The following DGKB variants were observed in gnomAD, a reference collection of about 807,000 sequenced individuals.
DGKB encodes the protein 90 kDa diacylglycerol kinase.
In DGKB, 67 loss-of-function variants were observed where a neutral mutation model predicts 114.3. The ratio of observed to expected loss-of-function variants is 0.59; its 90% CI spans 0.48 to 0.72. The LOEUF (loss-of-function observed/expected upper bound fraction) is 0.72, where lower values mean the gene tolerates loss of function less well. Among genes scored for constraint, DGKB ranks in the 30% least tolerant of loss-of-function variants. The pLI is 0.00. For missense variants in DGKB, 907 were observed against 975.2 expected, an observed-to-expected ratio of 0.93 and a Z score of 0.93; for synonymous variants, 398 against 323.1, an observed-to-expected ratio of 1.23 and a Z score of -2.49.
intron 13 of DGKB, among the ~76,000 whole-genome samples, chr7:14,637,569 C>G (rs1050400059): frequency 2.0e-5 from 3 of 150,868 alleles, no homozygotes; most frequent in Non-Finnish European, 4.4e-5. Flanking sequence ...CATGTATATA[C>G]TTGTGATTAC....
At chr7:14,862,360 G>T (rs940274285) in intron 1 of DGKB, among the ~76,000 whole-genome samples, 4 of 152,020 alleles carry the variant, frequency 2.6e-5, no homozygotes, top group Non-Finnish European at 5.9e-5. Flanking sequence ...ATAATCCAGT[G>T]TTCTTAACTA....
rs567561022 is a variant in DGKB at position 14,924,299 on chromosome 7, CA to C, written c.-188+50396del. Among the ~76,000 whole-genome samples, 318 of 152,226 alleles carry C rather than the reference CA, an allele frequency of 2.1e-3. 1 individual carries two copies. Among genetic ancestry groups the C allele is most frequent in the African/African-American group, 7.4e-3 (308 of 41,542 alleles). On this transcript the variant is annotated intron_variant, in intron 1 of 4. Transcript: ENST00000437998. ...CTAATATTGCTATTGATTCAGCTGTCAGTCAAATTGTGATTTCCTAGAAGGC... is the reference window on the plus strand; with the variant it reads ...CTAATATTGCTATTGATTCAGCTGTCGTCAAATTGTGATTTCCTAGAAGGC...
rs557543157 is a variant in DGKB at position 14,302,424 on chromosome 7, T to C, written c.2122+36091A>G. On this transcript the variant is annotated intron_variant, in intron 23 of 25. Coordinates refer to ENST00000402815, the MANE Select transcript of DGKB (RefSeq NM_001350709.2). ...CTGTATTTATACTAAGAATGTTAAA[T>C]TGTAAGTTAGATCATATTACTCTGT... Among the ~76,000 whole-genome samples, 10 of 152,232 alleles carry C rather than the reference T, an allele frequency of 6.6e-5. No individual in the cohort carries two copies. The East Asian group carries it at 1.9e-3, about 29-fold the overall frequency.
At chr7:14,420,911 CAAGTGACA>C (rs1161554128) in intron 21 of DGKB, among the ~76,000 whole-genome samples, 1 of 152,014 alleles carries the variant, frequency 6.6e-6, no homozygotes, top group African/African-American at 2.4e-5. Context: ...TCTCCATGCC[CAAGTGACA>C]AAGGATCAAA....
At chr7:14,737,508 A>C (rs1564062920) in intron 4 of DGKB, among the ~76,000 whole-genome samples, 1 of 152,028 alleles carries the variant, frequency 6.6e-6, no homozygotes, top group Non-Finnish European at 1.5e-5. Flanking sequence ...CCTAATATTA[A>C]ATGTGACATT....
At chr7:14,412,971 A>G in intron 21 of DGKB, among the ~76,000 whole-genome samples, 1 of 104,700 alleles carries the variant, frequency 9.6e-6, no homozygotes, top group Non-Finnish European at 2.1e-5. Flanking sequence ...ACAGAGCAAG[A>G]CTCCAGCTCA....
rs575378579 is a variant in DGKB, at chr7:14,205,899, T to A, written c.2123-27748A>T. Among the ~76,000 whole-genome samples, 32 of 152,056 alleles carry A rather than the reference T, an allele frequency of 2.1e-4. No homozygotes were observed. In the East Asian group the frequency reaches 6.0e-3, roughly 29 times the overall value. On this transcript the variant is annotated intron_variant, in intron 23 of 25. Coordinates refer to ENST00000402815, the MANE Select transcript of DGKB (RefSeq NM_001350709.2). ...ATACAGGCAGATAGGCCAAATAATA[T>A]GATATATATATGTATGTTATAGAAG...
At chr7:14,829,977 G>A (rs1357369322) in intron 2 of DGKB, among the ~76,000 whole-genome samples, 2 of 152,070 alleles carry the variant, frequency 1.3e-5, no homozygotes, top group East Asian at 1.9e-4. Flanking sequence ...TACCTAGGAA[G>A]AGAGAAGGCT....
intron 5 of DGKB, among the ~76,000 whole-genome samples, chr7:14,735,514 G>C (rs1831579472): frequency 6.6e-6 from 1 of 152,094 alleles, no homozygotes; most frequent in Non-Finnish European, 1.5e-5. Flanking sequence ...TGATACAACA[G>C]GTATTAATGT....
At chr7:14,487,770 C>CA (rs1784046037) in intron 20 of DGKB, among the ~76,000 whole-genome samples, 2 of 141,624 alleles carry the variant, frequency 1.4e-5, no homozygotes, top group Admixed American at 1.4e-4. Context: ...GCCTGACTAA[C>CA]TTTTTTTTTT....
At chr7:14,682,373 T>C (rs918364840) in intron 12 of DGKB, among the ~76,000 whole-genome samples, 180 bp downstream of exon 12, 1 of 152,058 alleles carries the variant, frequency 6.6e-6, no homozygotes, top group African/African-American at 2.4e-5. Context: ...CAGGACTCTA[T>C]GGGGACAAAT....
intron 23 of DGKB, among the ~76,000 whole-genome samples, chr7:14,297,186 T>C (rs1554336027): frequency 6.6e-6 from 1 of 152,096 alleles, no homozygotes; most frequent in Non-Finnish European, 1.5e-5. Flanking sequence ...AAAGAGGGAC[T>C]CCTCCCTAGC....
At chr7:14,348,445 A>T (rs879053787) in intron 21 of DGKB, among the ~76,000 whole-genome samples, 1 of 152,074 alleles carries the variant, frequency 6.6e-6, no homozygotes. Context: ...ATTTAATTAG[A>T]AAGCAAGAAA....
At chr7:14,643,012 C>T (rs1343747484) in intron 13 of DGKB, among the ~76,000 whole-genome samples, 2 of 152,160 alleles carry the variant, frequency 1.3e-5, no homozygotes, top group Non-Finnish European at 2.9e-5. Context: ...AGGAACCTAG[C>T]ACTCATCTCT....
chr7:14,851,434 G>T (rs1849334202), intron 1 of DGKB, among the ~76,000 whole-genome samples: 1 of 152,020 alleles, frequency 6.6e-6, no homozygotes, highest in Non-Finnish European at 1.5e-5. Flanking sequence ...TATTGAGACT[G>T]GCAGGTTAGG....
At chr7:14,801,031 G>A (rs112136506) in intron 2 of DGKB, among the ~76,000 whole-genome samples, 2 of 152,292 alleles carry the variant, frequency 1.3e-5, no homozygotes, top group African/African-American at 2.4e-5. Flanking sequence ...AAAAAGGACT[G>A]TAATGGTCAT....
At chr7:14,154,018 G>A (rs1200204598) in intron 25 of DGKB, among the ~76,000 whole-genome samples, 2 of 151,970 alleles carry the variant, frequency 1.3e-5, no homozygotes, top group African/African-American at 4.8e-5. Context: ...CAAAGTAAAT[G>A]AGTGAGCTAA....
chr7:14,434,139 CT>C (rs1828896338), intron 21 of DGKB, among the ~76,000 whole-genome samples: 1 of 152,104 alleles, frequency 6.6e-6, no homozygotes, highest in Non-Finnish European at 1.5e-5. Flanking sequence ...TTTTCAGTTA[CT>C]TTAATGGGAT....
At chr7:14,972,210 G>A (rs2214617) in intron 1 of DGKB, among the ~76,000 whole-genome samples, 85,510 of 151,966 alleles carry the variant, frequency 0.56, 25,699 homozygotes, top group East Asian at 0.83. Flanking sequence ...AAAGCTTAAT[G>A]TATCATCATA....
Sources: allele counts gnomAD v4.1 joint callset (sites outside exome capture counted in the v4.1 genomes callset), GRCh38; gene constraint gnomAD v4.1.1; transcripts MANE v1.5; gene names NCBI Gene and HGNC (gene_info 2026-07-23, HGNC 2026-07-21).